Variants in COL25A1 observed in about 807,000 individuals in gnomAD.
COL25A1 encodes collagen type XXV alpha 1 chain.
A neutral mutation model predicts 128.4 loss-of-function variants in COL25A1; 103 were observed. The observed-to-expected ratio is 0.80, with a 90% CI of 0.68 to 0.94. The LOEUF (loss-of-function observed/expected upper bound fraction) is 0.94, where lower values mean the gene tolerates loss of function less well. COL25A1 is among the 40% of genes least tolerant of loss of function. The pLI, the probability that COL25A1 is intolerant of heterozygous loss-of-function variation, is 0.00. For synonymous variants in COL25A1, 279 were observed against 277.2 expected (o/e 1.01, Z -0.06); for missense variants, 745 against 840.0 (o/e 0.89, Z 1.40).
rs185189839 is a variant in COL25A1, at chr4:109,106,930, G to A, written c.368-56751C>T. On this transcript the variant is annotated intron_variant, in intron 3 of 37. Transcript: ENST00000399132. ...CTACAGGCGCAGGCTACCTCGCTCT[G>A]CTAATTTTTTCTGTTTCCTGTAGAG... Among the ~76,000 whole-genome samples the A allele has an allele frequency of 1.6e-3, 244 of 152,124 alleles. 3 individuals carry two copies. Among genetic ancestry groups the A allele is most frequent in the Non-Finnish European group, 7.2e-4 (49 of 67,994 alleles).
intron 13 of COL25A1, among the ~76,000 whole-genome samples, chr4:108,903,755 CTG>C (rs1344367929): frequency 3.3e-5 from 5 of 152,048 alleles, no homozygotes; most frequent in East Asian, 3.8e-4. Context: ...GGCATCCACT[CTG>C]TGTTACTTTT....
intron 24 of COL25A1, among the ~76,000 whole-genome samples, chr4:108,853,513 T>G: frequency 6.6e-6 from 1 of 151,966 alleles, no homozygotes; most frequent in Non-Finnish European, 1.5e-5. Flanking sequence ...TTTTTAAAAT[T>G]TATTGATTGA....
At chr4:108,890,462 G>C (rs1349027843) in intron 16 of COL25A1, among the ~76,000 whole-genome samples, 1 of 152,084 alleles carries the variant, frequency 6.6e-6, no homozygotes, top group Non-Finnish European at 1.5e-5. Flanking sequence ...TTTCACAGAG[G>C]GTGAATACTT....
chr4:109,023,802 A>T (rs1402677943), intron 5 of COL25A1, among the ~76,000 whole-genome samples: 1 of 152,206 alleles, frequency 6.6e-6, no homozygotes, highest in East Asian at 1.9e-4. Flanking sequence ...CAAACCATAC[A>T]GTCAAAACTT....
chr4:109,019,047 G>A (rs1201523020), intron 5 of COL25A1, among the ~76,000 whole-genome samples: 1 of 152,140 alleles, frequency 6.6e-6, no homozygotes, highest in East Asian at 1.9e-4. Flanking sequence ...CTGTGTGGGT[G>A]TTGCCAAAAG....
At chr4:108,956,141 TTGG>T (rs1261963727) in intron 8 of COL25A1, among the ~76,000 whole-genome samples, 1 of 152,168 alleles carries the variant, frequency 6.6e-6, no homozygotes, top group Non-Finnish European at 1.5e-5. Context: ...AAAAGGATTG[TTGG>T]TGAAAATTTA....
chr4:108,902,275 C>T (rs905098979), intron 13 of COL25A1, among the ~76,000 whole-genome samples: 1 of 151,888 alleles, frequency 6.6e-6, no homozygotes, highest in African/African-American at 2.4e-5. Context: ...TATTCATTGA[C>T]TCAATTCTCA....
chr4:108,896,369 C>A (rs1742143613), intron 16 of COL25A1, among the ~76,000 whole-genome samples: 1 of 152,152 alleles, frequency 6.6e-6, no homozygotes. Context: ...CCCATTTACA[C>A]ATGAATAAGT....
At chr4:109,218,071 C>T (rs1336007914) in intron 3 of COL25A1, among the ~76,000 whole-genome samples, 2 of 152,148 alleles carry the variant, frequency 1.3e-5, no homozygotes, top group Non-Finnish European at 2.9e-5. Flanking sequence ...ATATTCATGT[C>T]TTTTTAATGG....
intron 3 of COL25A1, among the ~76,000 whole-genome samples, chr4:109,065,180 C>G (rs137865103): frequency 9.8e-4 from 149 of 152,306 alleles, no homozygotes; most frequent in African/African-American, 3.2e-3. Context: ...ATGATGCAGG[C>G]ACACAAATCC....
chr4:108,875,347 A>G (rs946361184), intron 19 of COL25A1, among the ~76,000 whole-genome samples: 1 of 152,196 alleles, frequency 6.6e-6, no homozygotes, highest in Non-Finnish European at 1.5e-5. Context: ...TCTACAAAGA[A>G]CTCAAACAAA....
chr4:109,234,697 C>T (rs527347049), intron 3 of COL25A1, among the ~76,000 whole-genome samples: 5 of 152,168 alleles, frequency 3.3e-5, no homozygotes, highest in African/African-American at 1.2e-4. Context: ...CAAAAATGGT[C>T]ACAATCATAT....
rs1730613759 is a variant in COL25A1 at position 108,809,237 on chromosome 4, T to TATGGCAC, written c.*4689_*4690insGTGCCAT. 6.6e-6 allele frequency: 1 copy of TATGGCAC among 152,098 alleles called. No individual in the cohort carries two copies. The highest frequency in any genetic ancestry group is 2.4e-5 in the African/African-American group (1 of 41,434). 9.4% of individuals were successfully genotyped at this position (152,098 alleles called of 1,614,324 possible). ...TTGTATTTATGTGAGTTTTTGGCAATATAAAAATAGCTGCACATAGAGATG... is the reference window on the plus strand; with the variant it reads ...TTGTATTTATGTGAGTTTTTGGCAATATGGCACATAAAAATAGCTGCACATAGAGATG... On this transcript the variant is annotated 3_prime_UTR_variant, in exon 38 of 38. Coordinates refer to ENST00000399132, the MANE Select transcript of COL25A1 (RefSeq NM_198721.4).
rs754503714 is a variant in COL25A1, at chr4:108,860,951, C to T, written c.1218G>A (p.Gly406=). Reference sequence around the variant, plus strand: ...CCCTTGGTCCCTGAGCTCCAGAGTCCCCTTTTTCTCCACGATCCCCCTTTT... The same window carrying T: ...CCCTTGGTCCCTGAGCTCCAGAGTCTCCTTTTTCTCCACGATCCCCCTTTT... ...KGSKGDRGEK[G]DSGAQGPRGP... The change falls in exon 23 of 38, where the codon GGG becomes GGA. Residue 406 remains glycine (G), a synonymous_variant. Transcript: ENST00000399132. 29 of 1,613,664 alleles carry T rather than the reference C, an allele frequency of 1.8e-5. No individual in the cohort carries two copies. In the East Asian group the frequency reaches 5.6e-4, roughly 31 times the overall value.
At chr4:108,830,513 C>T (rs1237832509) in intron 32 of COL25A1, among the ~76,000 whole-genome samples, 2 of 152,194 alleles carry the variant, frequency 1.3e-5, no homozygotes, top group Non-Finnish European at 2.9e-5. Context: ...TCAATTAACT[C>T]TGAGAATCAC....
Position 109,048,174 on chromosome 4 carries a change from A to AC in COL25A1, c.413dup (p.Pro139SerfsTer17). ...GTGCAGCAAACATACTTACAGGAGG[A>AC]CCTATGGGGGGAGCAGGTGGAGAGA... On this transcript the variant is annotated frameshift_variant and splice_region_variant, in exon 5 of 38. Coordinates refer to ENST00000399132, the MANE Select transcript of COL25A1 (RefSeq NM_198721.4). LOFTEE classifies it high-confidence loss of function. 3.1e-6 allele frequency: 5 copies of AC among 1,612,792 alleles called. No individual in the cohort carries two copies. The highest frequency in any genetic ancestry group is 4.2e-6 in the Non-Finnish European group (5 of 1,178,960).
intron 3 of COL25A1, among the ~76,000 whole-genome samples, chr4:109,172,070 G>A (rs1773643549): frequency 6.6e-6 from 1 of 152,096 alleles, no homozygotes; most frequent in African/African-American, 2.4e-5. Context: ...AGGGCCACCT[G>A]AACCATCAGC....
In COL25A1 at chr4:109,297,894, C is replaced by T. The variant is rs188675795; in HGVS notation, c.367+2689G>A. Among the ~76,000 whole-genome samples the T allele has an allele frequency of 9.2e-3, 679 of 74,182 alleles. 9 individuals are homozygous for T. The highest frequency in any genetic ancestry group is 0.033 in the African/African-American group (655 of 20,116). The allele number at this position is 74,182 out of a possible 152,430, so 48.7% of individuals were successfully genotyped here. ...TTTTTTTTTTTTTTTTTTTTTTTGC[C>T]GATGAGGAAATTAGAACATAGGGAA... On this transcript the variant is annotated intron_variant, in intron 3 of 37. Coordinates refer to ENST00000399132, the MANE Select transcript of COL25A1 (RefSeq NM_198721.4).
At chr4:109,068,484 G>A (rs184461356) in intron 3 of COL25A1, among the ~76,000 whole-genome samples, 5 of 152,112 alleles carry the variant, frequency 3.3e-5, no homozygotes, top group East Asian at 3.9e-4. Flanking sequence ...GAGCAAAATC[G>A]GAGGGAAAGC....
Sources: allele counts gnomAD v4.1 joint callset (sites outside exome capture counted in the v4.1 genomes callset), GRCh38; gene constraint gnomAD v4.1.1; transcripts MANE v1.5; gene names NCBI Gene and HGNC (gene_info 2026-07-23, HGNC 2026-07-21).